CUL5: variants seen among roughly 807,000 people sequenced by gnomAD.
CUL5 encodes cullin-5.
In CUL5, 26 loss-of-function variants were observed where a neutral mutation model predicts 108.8. The ratio of observed to expected loss-of-function variants is 0.24; its 90% CI spans 0.18 to 0.33. The LOEUF (loss-of-function observed/expected upper bound fraction) is 0.33, where lower values mean the gene tolerates loss of function less well. CUL5 is among the 10% of genes least tolerant of loss of function. CUL5 has a pLI of 1.00. For synonymous variants in CUL5, 334 were observed against 298.0 expected, an observed-to-expected ratio of 1.12 and a Z score of -1.25; for missense variants, 524 against 909.2, an observed-to-expected ratio of 0.58 and a Z score of 5.45.
intron 11 of CUL5, among the ~76,000 whole-genome samples, chr11:108,085,504 G>A (rs73557162): frequency 0.02 from 3,114 of 152,118 alleles, 115 homozygotes; most frequent in African/African-American, 0.07. Context: ...AATAGATAGC[G>A]GTGATGTTTG....
rs1863556541 is a variant in CUL5, at chr11:108,062,265, G to C, written c.780+7310G>C. Among the ~76,000 whole-genome samples the C allele has an allele frequency of 2.0e-5, 3 of 151,974 alleles. No homozygotes were observed. In the South Asian group the frequency reaches 6.2e-4, roughly 32 times the overall value. On this transcript the variant is annotated intron_variant, in intron 7 of 18. Transcript: ENST00000393094. ...GTGTATACATCTTTTCTCACACTTG[G>C]CTTCCTCTTGGAATAGAATCTCCTG... is the stretch of plus-strand genomic sequence containing the variant.
At chr11:108,015,315 C>T (rs894226523) in intron 1 of CUL5, among the ~76,000 whole-genome samples, 1 of 152,208 alleles carries the variant, frequency 6.6e-6, no homozygotes, top group Non-Finnish European at 1.5e-5. Flanking sequence ...GTAGAGGGAA[C>T]AGCCAGTGTG....
chr11:108,102,294 C>A (rs1280758282), intron 18 of CUL5, among the ~76,000 whole-genome samples: 1 of 151,724 alleles, frequency 6.6e-6, no homozygotes, highest in African/African-American at 2.4e-5. Flanking sequence ...TCCTAAAGTG[C>A]TGGGATTACA....
chr11:108,017,398 A>T (rs1271466441), intron 1 of CUL5, among the ~76,000 whole-genome samples: 1 of 151,382 alleles, frequency 6.6e-6, no homozygotes, highest in African/African-American at 2.4e-5. Context: ...TCAAAAAAAA[A>T]AAAAAAAAAA....
intron 2 of CUL5, among the ~76,000 whole-genome samples, chr11:108,036,379 G>A (rs1469306488): frequency 2.0e-5 from 3 of 152,152 alleles, no homozygotes; most frequent in Non-Finnish European, 4.4e-5. Flanking sequence ...TTTATGAAAT[G>A]ACTAGCAGCA....
intron 7 of CUL5, among the ~76,000 whole-genome samples, chr11:108,058,407 C>A (rs1043419387): frequency 6.6e-6 from 1 of 151,150 alleles, no homozygotes; most frequent in Non-Finnish European, 1.5e-5. Flanking sequence ...CACCACCACA[C>A]CCGGCTAATT....
chr11:108,101,138 ATAATC>A (rs1277988302), intron 18 of CUL5, among the ~76,000 whole-genome samples: 1 of 152,356 alleles, frequency 6.6e-6, no homozygotes, highest in South Asian at 2.1e-4. Flanking sequence ...GTACAATCCA[ATAATC>A]TAAGCTGTCT....
intron 1 of CUL5, among the ~76,000 whole-genome samples, chr11:108,030,882 G>C (rs1862563853): frequency 6.6e-6 from 1 of 152,120 alleles, no homozygotes; most frequent in Non-Finnish European, 1.5e-5. Flanking sequence ...GATCCAGTAG[G>C]CCTGAGGTAG....
At position 108,104,383 on chromosome 11, in the gene CUL5, A is replaced by G; in HGVS notation, c.2342A>G (p.Ter781=). ...SDINTFIYMA[*] is the part of the protein sequence containing the mutation. Reference sequence around the variant, plus strand: ...ATCAACACTTTCATATATATGGCATAATTTTGAATATCATGGACAATATTT... The same window carrying G: ...ATCAACACTTTCATATATATGGCATGATTTTGAATATCATGGACAATATTT... Residue 781 remains the stop codon, a stop_retained_variant, in exon 19 of 19, where the codon TAA becomes TGA. Coordinates refer to ENST00000393094, the MANE Select transcript of CUL5 (RefSeq NM_003478.6). 1 of 1,525,302 alleles carries G rather than the reference A, an allele frequency of 6.6e-7. No individual in the cohort carries two copies. The highest frequency in any genetic ancestry group is 8.8e-7 in the Non-Finnish European group (1 of 1,141,200). 94.5% of individuals were successfully genotyped at this position (1,525,302 alleles called of 1,614,324 possible).
chr11:108,072,998 C>A (rs555291006), intron 9 of CUL5, among the ~76,000 whole-genome samples: 1 of 151,964 alleles, frequency 6.6e-6, no homozygotes, highest in East Asian at 1.9e-4. Context: ...GTCAGGAGAT[C>A]GAGACTATCC....
chr11:108,038,445 T>C (rs1012091393), intron 2 of CUL5, among the ~76,000 whole-genome samples: 20 of 152,206 alleles, frequency 1.3e-4, no homozygotes, highest in African/African-American at 4.6e-4. Flanking sequence ...CCCAGCACTT[T>C]GGGAGGCTGA....
chr11:108,072,590 G>T (rs562642897), intron 9 of CUL5, 128 bp downstream of exon 9: 9 of 643,702 alleles, frequency 1.4e-5, no homozygotes, highest in Non-Finnish European at 2.0e-5. Context: ...GGTTAGTGGG[G>T]TATAAAGTTA....
rs570129373 is a variant in CUL5 at position 108,098,718 on chromosome 11, T to C, written c.2148+189T>C. ...GCAACAAAGTGAGATCTTGTCTCAA[T>C]CAATTTTTTAAAAATATATTAAAAA... On this transcript the variant is annotated intron_variant, in intron 18 of 18. Transcript: ENST00000393094. Among the ~76,000 whole-genome samples, 12 of 152,086 alleles carry C rather than the reference T, an allele frequency of 7.9e-5. No homozygotes were observed. In the East Asian group the frequency reaches 2.3e-3, roughly 29 times the overall value.
At chr11:108,019,492 C>T (rs1361147599) in intron 1 of CUL5, among the ~76,000 whole-genome samples, 1 of 152,046 alleles carries the variant, frequency 6.6e-6, no homozygotes, top group Non-Finnish European at 1.5e-5. Flanking sequence ...ATGTTTTGGT[C>T]AACAACGGAT....
intron 1 of CUL5, among the ~76,000 whole-genome samples, chr11:108,029,640 G>A (rs1862529292): frequency 6.6e-6 from 1 of 152,158 alleles, no homozygotes; most frequent in Non-Finnish European, 1.5e-5. Context: ...TAGAGAATAG[G>A]TCAAGGAACT....
intron 2 of CUL5, among the ~76,000 whole-genome samples, chr11:108,045,812 A>T (rs1863053149): frequency 6.6e-6 from 1 of 152,210 alleles, no homozygotes; most frequent in Non-Finnish European, 1.5e-5. Context: ...GTGAGCCGTG[A>T]TTGTGCCAGT....
intron 10 of CUL5, among the ~76,000 whole-genome samples, chr11:108,076,391 C>G (rs752319979): frequency 2.0e-5 from 3 of 152,118 alleles, no homozygotes; most frequent in Middle Eastern, 3.2e-3. Context: ...TAGACTTTTT[C>G]CATCTTGTGT....
intron 7 of CUL5, among the ~76,000 whole-genome samples, chr11:108,063,160 T>C (rs1326101258): frequency 6.6e-6 from 1 of 152,136 alleles, no homozygotes; most frequent in Non-Finnish European, 1.5e-5. Context: ...TTCTGGTTTT[T>C]TTGTACCCAT....
intron 11 of CUL5, among the ~76,000 whole-genome samples, chr11:108,079,528 G>T (rs931114853): frequency 6.6e-6 from 1 of 152,180 alleles, no homozygotes; most frequent in African/African-American, 2.4e-5. Flanking sequence ...TTCTAAAGAA[G>T]TTGCAGGCAT....
Sources: allele counts gnomAD v4.1 joint callset (sites outside exome capture counted in the v4.1 genomes callset), GRCh38; gene constraint gnomAD v4.1.1; transcripts MANE v1.5; gene names NCBI Gene and HGNC (gene_info 2026-07-23, HGNC 2026-07-21).